CD8A: variants seen among roughly 807,000 people sequenced by gnomAD.
The protein encoded by CD8A is CD8 subunit alpha.
In CD8A, 25 loss-of-function variants were observed where a neutral mutation model predicts 24.2. The observed-to-expected ratio is 1.03, with a 90% CI of 0.75 to 1.44. CD8A has a LOEUF of 1.44. Ranked by LOEUF, CD8A falls within the 40% of genes most tolerant of loss-of-function variation. The probability of loss-of-function intolerance (pLI) is 0.00; values close to 1 mark genes in which losing one functional copy is unlikely to be tolerated. For synonymous variants in CD8A, 165 were observed against 149.9 expected (o/e 1.10, Z -0.74); for missense variants, 360 against 319.7 (o/e 1.13, Z -0.96).
chr2:86,794,325 C>T (rs889154324), upstream of CD8A, among the ~76,000 whole-genome samples: 6 of 152,192 alleles, frequency 3.9e-5, no homozygotes, highest in East Asian at 1.9e-4. Flanking sequence ...AATGCAAAAC[C>T]GGGCAGAGCA....
At chr2:86,799,290 A>G (rs780194646) in intron 3 of CD8A, among the ~76,000 whole-genome samples, 2 of 152,156 alleles carry the variant, frequency 1.3e-5, no homozygotes, top group Non-Finnish European at 2.9e-5. Flanking sequence ...CCACTTTAAA[A>G]CTGAAAGGCA....
chr2:86,800,842 C>T (rs185153667), intron 3 of CD8A, among the ~76,000 whole-genome samples: 1 of 152,246 alleles, frequency 6.6e-6, no homozygotes, highest in African/African-American at 2.4e-5. Flanking sequence ...CAGAATGTGA[C>T]CTTATTTGGA....
Position 86,788,511 on chromosome 2 carries a change from G to GAT in CD8A, c.656+18_656+19insAT. On this transcript the variant is annotated intron_variant, in intron 5 of 5. Coordinates refer to ENST00000283635, the MANE Select transcript of CD8A (RefSeq NM_001768.7). The stretch of plus-strand genomic sequence containing the variant: ...CAGGGCTGGCCAAGGTGAGCAGGCT[G>GAT]AGTTCAAAAGAGACTCACCGGGGAC... 6.8e-7 allele frequency: 1 copy of GAT among 1,463,150 alleles called. No homozygotes were observed. The highest frequency in any genetic ancestry group is 9.0e-7 in the Non-Finnish European group (1 of 1,111,228). The allele number at this position is 1,463,150 out of a possible 1,614,324, so 90.6% of individuals were successfully genotyped here. A position where few individuals can be genotyped will look rare whatever the true frequency, so the allele number is the denominator to read the frequency against.
In CD8A at chr2:86,790,847, C is replaced by T; in HGVS notation, c.-22G>A. On this transcript the variant is annotated 5_prime_UTR_variant, in exon 1 of 6. Coordinates refer to ENST00000283635, the MANE Select transcript of CD8A (RefSeq NM_001768.7). ...CCATGACGCGCTCCCCAGGACGCTG[C>T]TTGGCTCGAAGCTCGGGCGCGAGGG... is the stretch of plus-strand genomic sequence containing the variant. The T allele has an allele frequency of 1.3e-6, 2 of 1,538,718 alleles. No individual in the cohort carries two copies. The highest frequency in any genetic ancestry group is 1.7e-6 in the Non-Finnish European group (2 of 1,146,714).
chr2:86,805,035 T>G (rs1673799567), intron 2 of CD8A, among the ~76,000 whole-genome samples: 1 of 152,038 alleles, frequency 6.6e-6, no homozygotes, highest in Non-Finnish European at 1.5e-5. Context: ...ACTCCTGACC[T>G]CAAGTGATCC....
chr2:86,790,861 CG>C lies in CD8A; in HGVS notation c.-37del. Reference sequence around the variant, plus strand: ...CCAGGACGCTGCTTGGCTCGAAGCTCGGGCGCGAGGGGAGGCGCGCGGGAGC... The same window carrying C: ...CCAGGACGCTGCTTGGCTCGAAGCTCGGCGCGAGGGGAGGCGCGCGGGAGC... On this transcript the variant is annotated 5_prime_UTR_variant, in exon 1 of 6. Transcript: ENST00000283635. 1.3e-6 allele frequency: 2 copies of C among 1,534,732 alleles called. No homozygotes were observed. Among genetic ancestry groups the C allele is most frequent in the Non-Finnish European group, 1.7e-6 (2 of 1,145,390 alleles).
intron 5 of CD8A, 50 bp downstream of exon 5, chr2:86,788,480 C>T: frequency 1.3e-6 from 2 of 1,499,394 alleles, no homozygotes; most frequent in Non-Finnish European, 1.8e-6. Context: ...AACCAGGACC[C>T]CACCCCAGGG....
Position 86,790,484 on chromosome 2 carries a change from C to G in CD8A, c.247G>C (p.Gly83Arg). ...CCCGAGAACCGCTGGGTGTCCAGCCCCTCGGCCGCCTTGGGCTTGTTTTGG... is the reference window on the plus strand; with the variant it reads ...CCCGAGAACCGCTGGGTGTCCAGCCGCTCGGCCGCCTTGGGCTTGTTTTGG... The part of the protein sequence containing the change: ...LSQNKPKAAE[G>R]LDTQRFSGKR... Residue 83 changes from glycine to arginine, a missense_variant, in exon 2 of 6, where the codon GGG becomes CGG. Physicochemically the swap from Gly to Arg is moderately radical, Grantham distance 125. Transcript: ENST00000283635. The G allele has an allele frequency of 6.2e-7, 1 of 1,614,114 alleles. No homozygotes were observed. The highest frequency in any genetic ancestry group is 8.5e-7 in the Non-Finnish European group (1 of 1,180,016).
chr2:86,789,106 C>G (rs371316953), intron 4 of CD8A, among the ~76,000 whole-genome samples: 5 of 152,320 alleles, frequency 3.3e-5, no homozygotes, highest in South Asian at 4.1e-4. Flanking sequence ...TCTGGGAACG[C>G]GGCTTTGTCT....
rs544641807 is a variant in CD8A, at chr2:86,799,917, G to T, written c.-271+1594C>A. Among the ~76,000 whole-genome samples the T allele has an allele frequency of 4.0e-5, 6 of 151,318 alleles. No individual in the cohort carries two copies. The East Asian group carries it at 9.7e-4, about 24-fold the overall frequency. ...GGATGCATATTAACGTGTTCATTAT[G>T]ATTACAAAAGGAATCAGAATTCTTT... On this transcript the variant is annotated intron_variant, in intron 3 of 8. Transcript: ENST00000409511.
At chr2:86,791,181 G>A (rs1386155178), upstream of CD8A, 5 of 506,324 alleles carry the variant, frequency 9.9e-6, no homozygotes, top group African/African-American at 5.8e-5. Flanking sequence ...GGTGAAGGGA[G>A]ACCAAAGATT....
chr2:86,801,887 G>C (rs35786939), intron 2 of CD8A, among the ~76,000 whole-genome samples: 30,367 of 151,910 alleles, frequency 0.2, 3,265 homozygotes, highest in Non-Finnish European at 0.25. Context: ...TTTGTGGGGG[G>C]TCCATTTCAT....
At chr2:86,807,170 A>AT (rs1466751659) in intron 2 of CD8A, among the ~76,000 whole-genome samples, 15 of 151,816 alleles carry the variant, frequency 9.9e-5, no homozygotes, top group South Asian at 2.1e-4. Context: ...ATAAAATAAA[A>AT]AAAAAAGCCA....
intron 2 of CD8A, among the ~76,000 whole-genome samples, chr2:86,803,260 T>C (rs943464855): frequency 1.3e-5 from 2 of 152,202 alleles, no homozygotes; most frequent in African/African-American, 4.8e-5. Flanking sequence ...GCATCTCTCT[T>C]CTGGGCTCAT....
intron 3 of CD8A, among the ~76,000 whole-genome samples, chr2:86,799,230 T>C (rs2104455602): frequency 6.6e-6 from 1 of 152,334 alleles, no homozygotes. Flanking sequence ...GTGTTTAGGC[T>C]TTGTGCTCGT....
intron 3 of CD8A, among the ~76,000 whole-genome samples, chr2:86,796,256 T>G (rs1039014830): frequency 1.1e-4 from 17 of 152,166 alleles, no homozygotes; most frequent in African/African-American, 3.9e-4. Context: ...TAATAGGATT[T>G]CAGAAAGGGG....
At chr2:86,808,359 T>A (rs1222580524) in exon 1 of CD8A, 2 of 151,780 alleles carry the variant, frequency 1.3e-5, no homozygotes, top group African/African-American at 4.9e-5. Flanking sequence ...AGAAGAGAAC[T>A]CAGAAAAGAT....
chr2:86,785,931 T>C lies in CD8A; in HGVS notation c.697A>G (p.Arg233Gly). The stretch of plus-strand genomic sequence containing the variant: ...GCTGTTGCACAGGGTTAGACGTATC[T>C]CGCCGAAAGGCTGGGCTTGTCTCCC... ...KSGDKPSLSA[R>G]YV The change falls in exon 6 of 6, where the codon AGA becomes GGA. Residue 233 changes from arginine (R) to glycine (G), a missense_variant. Physicochemically the swap from Arg to Gly is moderately radical, Grantham distance 125. Coordinates refer to ENST00000283635, the MANE Select transcript of CD8A (RefSeq NM_001768.7). 6.2e-7 allele frequency: 1 copy of C among 1,613,412 alleles called. No homozygotes were observed. Among genetic ancestry groups the C allele is most frequent in the East Asian group, 2.2e-5 (1 of 44,884 alleles).
intron 2 of CD8A, among the ~76,000 whole-genome samples, chr2:86,807,146 A>AAAAAT (rs1249782812): frequency 6.6e-5 from 10 of 151,910 alleles, no homozygotes; most frequent in South Asian, 2.1e-4. Flanking sequence ...GGTTCTCTCA[A>AAAAAT]AAAATAAAAT....
Sources: allele counts gnomAD v4.1 joint callset (sites outside exome capture counted in the v4.1 genomes callset), GRCh38; gene constraint gnomAD v4.1.1; transcripts MANE v1.5; gene names NCBI Gene and HGNC (gene_info 2026-07-23, HGNC 2026-07-21).